CIB4: variants seen among roughly 807,000 people sequenced by gnomAD.
CIB4 encodes the protein calcium and integrin binding family member 4.
A neutral mutation model predicts 25.8 loss-of-function variants in CIB4; 25 were observed. That is an observed-to-expected ratio of 0.97 (90% CI 0.71 to 1.35). The LOEUF is 1.35. CIB4 is among the 40% of genes most tolerant of loss of function. CIB4 has a pLI of 0.00. For missense variants in CIB4, 235 were observed against 228.2 expected (o/e 1.03, Z -0.19); for synonymous variants, 75 against 81.4 (o/e 0.92, Z 0.42).
At chr2:26,620,882 A>G (rs566303369) in intron 3 of CIB4, among the ~76,000 whole-genome samples, 1 of 152,318 alleles carries the variant, frequency 6.6e-6, no homozygotes, top group South Asian at 2.1e-4. Flanking sequence ...GAGCTCTTGG[A>G]AACTAAACGC....
Position 26,627,549 on chromosome 2 carries a change from G to C in CIB4, c.186+1861C>G, listed in dbSNP as rs1393810987. Among the ~76,000 whole-genome samples, 1 of 152,186 alleles carries C rather than the reference G, an allele frequency of 6.6e-6. No homozygotes were observed. Among genetic ancestry groups the C allele is most frequent in the African/African-American group, 2.4e-5 (1 of 41,456 alleles). ...GTCCCTTAGTGGATGGCCTGGGTTTGAGAGAAGTCCCACCCACATGTGGTG... is the reference window on the plus strand; with the variant it reads ...GTCCCTTAGTGGATGGCCTGGGTTTCAGAGAAGTCCCACCCACATGTGGTG... On this transcript the variant is annotated intron_variant, in intron 3 of 6. Coordinates refer to ENST00000288861, the MANE Select transcript of CIB4 (RefSeq NM_001029881.3). This position sits in a 1 kb window ranked among gnomAD's most constrained non-coding sequence, Gnocchi z 4.0.
chr2:26,626,798 C>T (rs1277951603), intron 3 of CIB4, among the ~76,000 whole-genome samples: 1 of 152,110 alleles, frequency 6.6e-6, no homozygotes, highest in East Asian at 1.9e-4. Flanking sequence ...CCCCACCTGC[C>T]CCATCCCAGG....
chr2:26,607,144 G>C (rs1668904573), intron 3 of CIB4, among the ~76,000 whole-genome samples: 1 of 152,196 alleles, frequency 6.6e-6, no homozygotes, highest in African/African-American at 2.4e-5. Flanking sequence ...GGGCCACCTA[G>C]AAGCCTGGTC....
At chr2:26,603,965 T>TCCAG (rs1668841363) in intron 3 of CIB4, among the ~76,000 whole-genome samples, 1 of 144,638 alleles carries the variant, frequency 6.9e-6, no homozygotes. Context: ...ATTGTGCCAC[T>TCCAG]GCACTCCAGC....
chr2:26,598,904 G>A (rs939249213), intron 3 of CIB4, among the ~76,000 whole-genome samples: 2 of 152,140 alleles, frequency 1.3e-5, no homozygotes, highest in South Asian at 2.1e-4. Flanking sequence ...CGGTGTCCTC[G>A]GATCTGGTTC....
chr2:26,631,831 C>T (rs1669425148), intron 2 of CIB4, among the ~76,000 whole-genome samples: 1 of 152,172 alleles, frequency 6.6e-6, no homozygotes, highest in African/African-American at 2.4e-5. Flanking sequence ...CCTCTCCCTC[C>T]CAGCCCCACA....
At position 26,595,895 on chromosome 2, in the gene CIB4, GCGCACACA is replaced by G. The variant is rs1304177324; in HGVS notation, c.187-586_187-579del. On this transcript the variant is annotated intron_variant, in intron 3 of 6. Coordinates refer to ENST00000288861, the MANE Select transcript of CIB4 (RefSeq NM_001029881.3). ...GATCCATGTCACATGACTTATCTGC[GCGCACACA>G]CACACACACACACACACACACACAC... 3.2e-3 allele frequency among the ~76,000 whole-genome samples: 482 copies of G among 148,526 alleles called. 5 individuals carry two copies. The highest frequency in any genetic ancestry group is 0.012 in the African/African-American group (455 of 39,166).
At chr2:26,616,330 G>A (rs1485273362) in intron 3 of CIB4, among the ~76,000 whole-genome samples, 5 of 152,192 alleles carry the variant, frequency 3.3e-5, no homozygotes, top group Non-Finnish European at 4.4e-5. Flanking sequence ...AACTCCTAGG[G>A]TGCTCACAGA....
intron 3 of CIB4, among the ~76,000 whole-genome samples, chr2:26,602,020 G>A (rs562119177): frequency 1.2e-4 from 19 of 152,270 alleles, no homozygotes; most frequent in Admixed American, 1.3e-4. Flanking sequence ...TGGGGGTGAT[G>A]GAACTGTTCT....
At chr2:26,587,915 C>T (rs2148189877) in intron 4 of CIB4, among the ~76,000 whole-genome samples, 1 of 152,322 alleles carries the variant, frequency 6.6e-6, no homozygotes, top group Middle Eastern at 3.4e-3. Context: ...GTCACAGGGT[C>T]CTTTGGTGGC....
At chr2:26,629,318 T>A (rs1669369967) in intron 3 of CIB4, 92 bp downstream of exon 3, 1 of 789,416 alleles carries the variant, frequency 1.3e-6, no homozygotes, top group Non-Finnish European at 2.1e-6. Context: ...CAGCACGGAG[T>A]GCCCACCTCA....
intron 6 of CIB4, among the ~76,000 whole-genome samples, chr2:26,582,274 G>A (rs550653842): frequency 4.6e-5 from 7 of 152,310 alleles, no homozygotes; most frequent in Non-Finnish European, 7.4e-5. Context: ...CAGGGGGCAC[G>A]CATCTCCCGA....
At position 26,595,241 on chromosome 2, in the gene CIB4, A is replaced by G. The variant is rs1409714050; in HGVS notation, c.263T>C (p.Met88Thr). 1.9e-6 allele frequency: 3 copies of G among 1,614,200 alleles called. No homozygotes were observed. Among genetic ancestry groups the G allele is most frequent in the African/African-American group, 1.3e-5 (1 of 75,078 alleles). The change falls in exon 4 of 7, where the codon ATG (methionine) becomes ACG (threonine). Residue 88 changes from methionine (M) to threonine (T), a missense_variant. Physicochemically the swap from Met to Thr is moderately conservative, Grantham distance 81 (BLOSUM62 -1). Transcript: ENST00000288861. ...GMFSFEDVLG[M>T]ASVFSEQACP... ...GGCCTGCTCGCTGAACACAGATGCC[A>G]TGCCCAGCACATCCTCAAAGGAGAA...
At chr2:26,622,194 C>T (rs1198606484) in intron 3 of CIB4, among the ~76,000 whole-genome samples, 2 of 152,012 alleles carry the variant, frequency 1.3e-5, no homozygotes, top group Non-Finnish European at 2.9e-5. Context: ...AACCCTGTCT[C>T]TGCTAAAAAT....
intron 2 of CIB4, among the ~76,000 whole-genome samples, chr2:26,639,154 AT>A: frequency 6.6e-6 from 1 of 150,474 alleles, no homozygotes; most frequent in Non-Finnish European, 1.5e-5. Flanking sequence ...GAATGGAGAC[AT>A]TTTCTTTTCA....
At chr2:26,634,195 A>C (rs1669488385) in intron 2 of CIB4, among the ~76,000 whole-genome samples, 1 of 152,192 alleles carries the variant, frequency 6.6e-6, no homozygotes, top group African/African-American at 2.4e-5. Context: ...GATCAAGAAC[A>C]TGACAAACCC....
intron 3 of CIB4, among the ~76,000 whole-genome samples, chr2:26,614,305 C>A (rs1669051080): frequency 6.6e-6 from 1 of 152,216 alleles, no homozygotes; most frequent in Admixed American, 6.5e-5. Flanking sequence ...ATCTTGTACT[C>A]TGGGAGTGCC....
At chr2:26,612,698 C>T (rs1223429722) in intron 3 of CIB4, among the ~76,000 whole-genome samples, 4 of 152,082 alleles carry the variant, frequency 2.6e-5, no homozygotes, top group East Asian at 1.9e-4. Flanking sequence ...GCTGGCCAAG[C>T]GAGGCACTGC....
chr2:26,588,899 C>T (rs768237424), intron 4 of CIB4, among the ~76,000 whole-genome samples: 1 of 152,160 alleles, frequency 6.6e-6, no homozygotes, highest in Non-Finnish European at 1.5e-5. Context: ...TCTCTCAGAG[C>T]AGGACATGGA....
Sources: gnomAD v4.1 joint callset for allele counts (sites outside exome capture counted in the v4.1 genomes callset) on GRCh38, gnomAD v4.1.1 for gene constraint, Gnocchi (gnomAD v3.1) non-coding constraint, MANE v1.5 for transcripts, NCBI Gene and HGNC (gene_info 2026-07-23, HGNC 2026-07-21) for gene names.